KCNAB2: variants seen among roughly 807,000 people sequenced by gnomAD.
The protein encoded by KCNAB2 is potassium voltage-gated channel subfamily A regulatory beta subunit 2.
Under a neutral mutation model 63.6 loss-of-function variants are expected in KCNAB2, and 29 were observed. That is an observed-to-expected ratio of 0.46 (90% CI 0.34 to 0.62). KCNAB2 has a LOEUF of 0.62. Among genes scored for constraint, KCNAB2 ranks in the 20% least tolerant of loss-of-function variants. The pLI is 0.01. For synonymous variants in KCNAB2, 222 were observed against 224.2 expected (o/e 0.99, Z 0.09); for missense variants, 359 against 563.9 (o/e 0.64, Z 3.68).
At position 6,046,313 on chromosome 1, in the gene KCNAB2, C is replaced by T. The variant is rs925903015; in HGVS notation, c.-27+130C>T. 1.1e-5 allele frequency: 6 copies of T among 563,626 alleles called. No individual in the cohort carries two copies. In the South Asian group the frequency reaches 2.3e-4, roughly 22 times the overall value. 34.9% of individuals were successfully genotyped at this position (563,626 alleles called of 1,614,324 possible). A position where few individuals can be genotyped will look rare whatever the true frequency, so the allele number is the denominator to read the frequency against. On this transcript the variant is annotated intron_variant, in intron 1 of 15. Transcript: ENST00000378083. ...TTGTCTGATCCGGAATTAGACCCTC[C>T]GTGTTTTTGCAAAGCAGAAGACCTT...
At position 6,012,695 on chromosome 1, in the gene KCNAB2, G is replaced by A. The variant is rs529206115; in HGVS notation, c.-53+19907G>A. Among the ~76,000 whole-genome samples, 3 of 152,030 alleles carry A rather than the reference G, an allele frequency of 2.0e-5. No individual in the cohort carries two copies. The South Asian group carries it at 6.2e-4, about 32-fold the overall frequency. Reference sequence around the variant, plus strand: ...AGGTGGAGATGGAGGTAGTGGTGGAGGTGATGAAGGTGGAGAGGGTAGAGG... The same window carrying A: ...AGGTGGAGATGGAGGTAGTGGTGGAAGTGATGAAGGTGGAGAGGGTAGAGG... On this transcript the variant is annotated intron_variant, in intron 1 of 16. Transcript: ENST00000341524.
At chr1:6,016,674 C>T (rs896063712) in intron 1 of KCNAB2, among the ~76,000 whole-genome samples, 6 of 152,148 alleles carry the variant, frequency 3.9e-5, no homozygotes, top group East Asian at 3.9e-4. Context: ...GTGACTCGGG[C>T]GGGGCAGGCA....
At position 6,086,645 on chromosome 1, in the gene KCNAB2, CCAT is replaced by C. The variant is rs1664723604; in HGVS notation, c.426-818_426-816del. ...CAAGGTCAAACGTGGCTGGGAGGGG[CCAT>C]CATTATCCCCCATCCCACCAGGACA... On this transcript the variant is annotated intron_variant, in intron 6 of 15. Coordinates refer to ENST00000378083, the MANE Select transcript of KCNAB2 (RefSeq NM_001199862.2). The surrounding 1 kb of genome is among the most constrained non-coding windows in gnomAD (Gnocchi z 4.2). Among the ~76,000 whole-genome samples the C allele has an allele frequency of 6.6e-6, 1 of 152,144 alleles. No individual in the cohort carries two copies. Among genetic ancestry groups the C allele is most frequent in the Non-Finnish European group, 1.5e-5 (1 of 67,988 alleles).
rs74049342 is a variant in KCNAB2, at chr1:6,007,257, C to G, written c.-53+14469C>G. Reference sequence around the variant, plus strand: ...GTGCCAGGCTCCAGAGAGGTGGGGACCCCAGCCACACCCAGGGACAGGGCC... The same window carrying G: ...GTGCCAGGCTCCAGAGAGGTGGGGAGCCCAGCCACACCCAGGGACAGGGCC... On this transcript the variant is annotated intron_variant, in intron 1 of 16. Coordinates refer to the KCNAB2 transcript ENST00000341524. Among the ~76,000 whole-genome samples the G allele has an allele frequency of 8.3e-3, 1,270 of 152,290 alleles. 18 individuals carry two copies. Among genetic ancestry groups the G allele is most frequent in the African/African-American group, 0.028 (1,184 of 41,572 alleles).
chr1:6,011,243 A>G (rs1461681205), intron 1 of KCNAB2, among the ~76,000 whole-genome samples: 22 of 140,064 alleles, frequency 1.6e-4, no homozygotes, highest in South Asian at 2.4e-4. Context: ...CCCAGGGCCA[A>G]GTGTGCAGGA....
rs1478855136 is a variant in KCNAB2 at position 6,096,138 on chromosome 1, G to A, written c.949-498G>A. The A allele has an allele frequency of 2.2e-6, 1 of 457,578 alleles. No homozygotes were observed. Among genetic ancestry groups the A allele is most frequent in the Non-Finnish European group, 4.4e-6 (1 of 227,854 alleles). The allele number at this position is 457,578 out of a possible 1,614,324, so 28.3% of individuals were successfully genotyped here. ...CTGCCCAGCCAGCAGTCTCAGCACT[G>A]GGGCCCACAGCCCTGGGTTCCAGGG... On this transcript the variant is annotated intron_variant, in intron 13 of 15. Transcript: ENST00000378083. The surrounding 1 kb of genome is among the most constrained non-coding windows in gnomAD (Gnocchi z 5.9).
intron 5 of KCNAB2, among the ~76,000 whole-genome samples, chr1:6,083,585 C>A (rs944804703): frequency 6.6e-6 from 1 of 152,214 alleles, no homozygotes; most frequent in African/African-American, 2.4e-5. Flanking sequence ...TCTGTGGAAT[C>A]CCCTGCCCTC....
intron 2 of KCNAB2, among the ~76,000 whole-genome samples, chr1:6,064,285 C>A (rs1020325828): frequency 2.0e-4 from 30 of 152,204 alleles, no homozygotes; most frequent in Admixed American, 1.9e-3. Flanking sequence ...AATAAGTTCC[C>A]CTGACATGAT....
intron 2 of KCNAB2, among the ~76,000 whole-genome samples, chr1:6,070,545 G>A (rs1663103441): frequency 6.6e-6 from 1 of 152,184 alleles, no homozygotes; most frequent in Non-Finnish European, 1.5e-5. Context: ...GAGGAAAAAG[G>A]AAACTTCAGT....
intron 2 of KCNAB2, among the ~76,000 whole-genome samples, chr1:6,058,658 T>C (rs1662047453): frequency 6.6e-6 from 1 of 152,220 alleles, no homozygotes; most frequent in Non-Finnish European, 1.5e-5. Context: ...TCTATCCATC[T>C]TGGGGTCTCA....
chr1:6,097,008 T>C (rs1239050979), intron 14 of KCNAB2, among the ~76,000 whole-genome samples: 1 of 152,166 alleles, frequency 6.6e-6, no homozygotes, highest in East Asian at 1.9e-4. Flanking sequence ...CCATAGGTAA[T>C]GGGGCTCCCG....
intron 1 of KCNAB2, among the ~76,000 whole-genome samples, chr1:6,021,992 G>A (rs1424586944): frequency 1.3e-5 from 2 of 151,708 alleles, no homozygotes; most frequent in Non-Finnish European, 1.5e-5. Flanking sequence ...TCAGTGGTAC[G>A]AGTGTATAGT....
intron 2 of KCNAB2, among the ~76,000 whole-genome samples, chr1:6,053,789 A>C (rs1175974108): frequency 1.3e-5 from 2 of 152,178 alleles, no homozygotes; most frequent in African/African-American, 4.8e-5. Flanking sequence ...AAACCTCAGA[A>C]TATGACGTTA....
chr1:6,001,074 G>A (rs1407290784), intron 1 of KCNAB2, among the ~76,000 whole-genome samples: 1 of 152,170 alleles, frequency 6.6e-6, no homozygotes, highest in East Asian at 1.9e-4. Context: ...GGGTGTCAGG[G>A]CACTGCAGGG....
chr1:6,095,494 G>A (rs1229496064), intron 12 of KCNAB2, 36 bp from the exon 13 acceptor site: 1 of 1,611,142 alleles, frequency 6.2e-7, no homozygotes, highest in Non-Finnish European at 8.5e-7. Flanking sequence ...CTGCTCTCGG[G>A]CCCAGGGCTT....
intron 1 of KCNAB2, among the ~76,000 whole-genome samples, chr1:6,017,859 G>A (rs750012930): frequency 6.0e-5 from 9 of 149,252 alleles, no homozygotes; most frequent in Non-Finnish European, 5.9e-5. Context: ...CCAGCCAGGC[G>A]TGGCCTAAAA....
chr1:6,091,145 A>T, intron 9 of KCNAB2, 118 bp from the exon 10 acceptor site: 1 of 743,164 alleles, frequency 1.3e-6, no homozygotes, highest in South Asian at 1.5e-5. Flanking sequence ...TTCCTTTTTA[A>T]CTAAACGCGT....
rs1416208198 is a variant in KCNAB2, at chr1:6,075,000, C to A, written c.300+1230C>A. On this transcript the variant is annotated intron_variant, in intron 4 of 15. Transcript: ENST00000378083. The surrounding 1 kb of genome is among the most constrained non-coding windows in gnomAD (Gnocchi z 4.9). ...TAGCTGGTTATAGAATGATTTGCCC[C>A]TTGCTTTGAAGTTGCTGGATAGGCG... 6.6e-6 allele frequency among the ~76,000 whole-genome samples: 1 copy of A among 151,948 alleles called. No homozygotes were observed. The highest frequency in any genetic ancestry group is 1.5e-5 in the Non-Finnish European group (1 of 67,986).
upstream of KCNAB2, among the ~76,000 whole-genome samples, chr1:6,033,641 A>T (rs1267958030): frequency 1.3e-5 from 2 of 152,176 alleles, no homozygotes; most frequent in African/African-American, 4.8e-5. Context: ...TTCCACTTTT[A>T]TGAGGTTTGA....
Sources: gnomAD v4.1 joint callset for allele counts (sites outside exome capture counted in the v4.1 genomes callset) on GRCh38, gnomAD v4.1.1 for gene constraint, Gnocchi (gnomAD v3.1) non-coding constraint, MANE v1.5 for transcripts, NCBI Gene and HGNC (gene_info 2026-07-23, HGNC 2026-07-21) for gene names.